The following ADRA1B variants were observed in gnomAD, a reference collection of about 807,000 sequenced individuals.
ADRA1B encodes alpha-1B adrenergic receptor.
Under a neutral mutation model 17.9 loss-of-function variants are expected in ADRA1B, and 17 were observed. The ratio of observed to expected loss-of-function variants is 0.95; its 90% CI spans 0.65 to 1.42. The LOEUF (loss-of-function observed/expected upper bound fraction) is 1.42, where lower values mean the gene tolerates loss of function less well. Among genes scored for constraint, ADRA1B ranks in the 40% most tolerant of loss-of-function variants. The probability of loss-of-function intolerance (pLI) is 0.00; values close to 1 mark genes in which losing one functional copy is unlikely to be tolerated. For missense variants in ADRA1B, 681 were observed against 722.1 expected (o/e 0.94, Z 0.65); for synonymous variants, 366 against 327.6 (o/e 1.12, Z -1.27).
downstream of ADRA1B, among the ~76,000 whole-genome samples, chr5:159,975,653 T>C (rs1755961048): frequency 6.6e-6 from 1 of 152,184 alleles, no homozygotes; most frequent in Non-Finnish European, 1.5e-5. Flanking sequence ...CCTGTTTCTT[T>C]CCAGAAGGAA....
chr5:159,884,850 A>G (rs1753906367), intron 1 of ADRA1B, among the ~76,000 whole-genome samples: 2 of 152,252 alleles, frequency 1.3e-5, no homozygotes, highest in African/African-American at 2.4e-5. Context: ...TCCCATATGT[A>G]CAACTGAAAA....
the ADRA1B span, among the ~76,000 whole-genome samples, chr5:159,986,668 G>A: frequency 6.6e-6 from 1 of 152,168 alleles, no homozygotes; most frequent in African/African-American, 2.4e-5. Context: ...AGTAATCTGC[G>A]TTTTAAAGAA....
intron 1 of ADRA1B, among the ~76,000 whole-genome samples, chr5:159,895,101 T>C (rs1754027833): frequency 6.6e-6 from 1 of 152,238 alleles, no homozygotes; most frequent in Non-Finnish European, 1.5e-5. Context: ...TGTTCAGCAC[T>C]TGCCTCTGTA....
intron 1 of ADRA1B, among the ~76,000 whole-genome samples, chr5:159,925,045 A>T (rs1380292545): frequency 4.6e-5 from 7 of 152,152 alleles, no homozygotes; most frequent in Non-Finnish European, 1.0e-4. Context: ...GCTCAGAGAG[A>T]TTGAGTGATT....
intron 1 of ADRA1B, among the ~76,000 whole-genome samples, chr5:159,880,084 G>A (rs781731521): frequency 1.3e-5 from 2 of 152,188 alleles, no homozygotes; most frequent in East Asian, 1.9e-4. Context: ...TCAGTGTGGC[G>A]ATTGTTAGCT....
intron 1 of ADRA1B, among the ~76,000 whole-genome samples, chr5:159,927,448 G>A (rs1754691981): frequency 6.9e-6 from 1 of 145,152 alleles, no homozygotes; most frequent in South Asian, 2.2e-4. Context: ...ATGTAAGGAA[G>A]GCCAACAATA....
intron 1 of ADRA1B, among the ~76,000 whole-genome samples, chr5:159,936,062 A>C (rs1754946365): frequency 6.6e-6 from 1 of 152,234 alleles, no homozygotes; most frequent in Non-Finnish European, 1.5e-5. Flanking sequence ...AGATGAAATA[A>C]GACTCTTCAT....
At chr5:159,963,909 C>T (rs939266461) in intron 1 of ADRA1B, among the ~76,000 whole-genome samples, 1 of 152,178 alleles carries the variant, frequency 6.6e-6, no homozygotes, top group African/African-American at 2.4e-5. Context: ...CCCTTGGGCA[C>T]TCAAAGACTA....
intron 1 of ADRA1B, among the ~76,000 whole-genome samples, chr5:159,939,252 G>GGAGAGAGAGAGA (rs67704328): frequency 1.2e-4 from 12 of 99,836 alleles, no homozygotes; most frequent in African/African-American, 3.9e-4. Flanking sequence ...TTTCTTTGAA[G>GGAGAGAGAGAGA]GAGAGAGAGA....
At chr5:159,949,789 A>G (rs1176883637) in intron 1 of ADRA1B, among the ~76,000 whole-genome samples, 1 of 152,242 alleles carries the variant, frequency 6.6e-6, no homozygotes, top group South Asian at 2.1e-4. Flanking sequence ...GCCTGCCTCC[A>G]TTTGTGCACT....
chr5:159,882,064 T>G (rs1753869026), intron 1 of ADRA1B, among the ~76,000 whole-genome samples: 1 of 152,212 alleles, frequency 6.6e-6, no homozygotes. Flanking sequence ...ACACAAAAAC[T>G]GCTCATTTTC....
chr5:159,984,376 A>G, the ADRA1B span, among the ~76,000 whole-genome samples: 4 of 152,154 alleles, frequency 2.6e-5, no homozygotes. Context: ...CTGATTGCAC[A>G]AAATAAAAAA....
chr5:159,906,452 TG>T (rs1754161648), intron 1 of ADRA1B, among the ~76,000 whole-genome samples: 1 of 152,226 alleles, frequency 6.6e-6, no homozygotes, highest in Non-Finnish European at 1.5e-5. Flanking sequence ...TTTCTCAAAA[TG>T]TAGTCTTCTG....
At chr5:159,961,418 A>C (rs1177623805) in intron 1 of ADRA1B, among the ~76,000 whole-genome samples, 2 of 152,226 alleles carry the variant, frequency 1.3e-5, no homozygotes, top group African/African-American at 4.8e-5. Context: ...GCCCAAAGAT[A>C]TTGTATTCAC....
chr5:159,885,518 ATTC>A (rs1279732407), intron 1 of ADRA1B, among the ~76,000 whole-genome samples: 1 of 152,222 alleles, frequency 6.6e-6, no homozygotes, highest in African/African-American at 2.4e-5. Flanking sequence ...AAGAGACATC[ATTC>A]TTCTTCCTCT....
intron 1 of ADRA1B, among the ~76,000 whole-genome samples, chr5:159,902,771 C>A (rs1754116972): frequency 6.6e-6 from 1 of 152,270 alleles, no homozygotes; most frequent in East Asian, 1.9e-4. Flanking sequence ...TGGATCCTCA[C>A]TTTCCCCATC....
chr5:159,925,492 C>T (rs935942283), intron 1 of ADRA1B, among the ~76,000 whole-genome samples: 5 of 152,160 alleles, frequency 3.3e-5, no homozygotes, highest in African/African-American at 1.2e-4. Context: ...ATTTCAGACC[C>T]GGATTCACCA....
chr5:159,948,013 T>C (rs1375322841), intron 1 of ADRA1B: 3 of 985,356 alleles, frequency 3.0e-6, no homozygotes, highest in Non-Finnish European at 1.2e-6. Flanking sequence ...TGCTGCTGTC[T>C]AATTAGTAAG....
At chr5:159,873,636 G>A (rs116734347) in intron 1 of ADRA1B, among the ~76,000 whole-genome samples, 3 of 152,090 alleles carry the variant, frequency 2.0e-5, no homozygotes, top group Admixed American at 6.5e-5. Flanking sequence ...AGGACTTTTC[G>A]TTGTTATTGT....
Sources: gnomAD v4.1 joint callset for allele counts (sites outside exome capture counted in the v4.1 genomes callset) on GRCh38, gnomAD v4.1.1 for gene constraint, MANE v1.5 for transcripts, NCBI Gene and HGNC (gene_info 2026-07-23, HGNC 2026-07-21) for gene names.